CIAO3: variants seen among roughly 807,000 people sequenced by gnomAD.
The protein encoded by CIAO3 is LET1 like/JFP15.
In CIAO3, 45 loss-of-function variants were observed where a neutral mutation model predicts 51.5. The observed-to-expected ratio is 0.87, with a 90% CI of 0.69 to 1.12. The LOEUF is 1.12. Among genes scored for constraint, CIAO3 ranks in the 50% most tolerant of loss-of-function variants. The pLI, the probability that CIAO3 is intolerant of heterozygous loss-of-function variation, is 0.00. For missense variants in CIAO3, 668 were observed against 632.5 expected, an observed-to-expected ratio of 1.06 and a Z score of -0.60; for synonymous variants, 314 against 269.3, an observed-to-expected ratio of 1.17 and a Z score of -1.63.
In CIAO3 at chr16:737,267, G is replaced by A. The variant is rs35987447; in HGVS notation, c.225C>T (p.Ser75=). The part of the protein sequence containing the change: ...KVSLNDCLAC[S]GCITSAETVL... ...CGGTCTCTGCGGAGGTGATGCAGCC[G>A]CTGCACGCCAGGCAGTCGTTTAGCG... The change falls in exon 3 of 11, where the codon AGC becomes AGT. Residue 75 remains serine (S), a synonymous_variant. Transcript: ENST00000251588. The surrounding 1 kb of genome is among the most constrained non-coding windows in gnomAD (Gnocchi z 5.3). 39,230 of 1,613,436 alleles carry A rather than the reference G, an allele frequency of 0.024. 531 individuals carry two copies. Among genetic ancestry groups the A allele is most frequent in the Non-Finnish European group, 0.029 (34,549 of 1,179,984 alleles).
chr16:737,825 C>T lies in CIAO3; in HGVS notation c.163-496G>A. The T allele has an allele frequency of 8.4e-7, 1 of 1,190,430 alleles. No individual in the cohort carries two copies. Among genetic ancestry groups the T allele is most frequent in the South Asian group, 1.5e-5 (1 of 65,304 alleles). 73.7% of individuals were successfully genotyped at this position (1,190,430 alleles called of 1,614,324 possible). On this transcript the variant is annotated intron_variant, in intron 2 of 10. Transcript: ENST00000251588. The surrounding 1 kb of genome is among the most constrained non-coding windows in gnomAD (Gnocchi z 5.3). ...GGGGCAGAAACAACCGTCAGACTCG[C>T]CAAACAGATGCAGGAACAAGGTGTT...
chr16:738,174 G>C lies in CIAO3; in HGVS notation c.163-845C>G, dbSNP rs1056056249. ...GCTGACAGGCTCCTCCAAACCAACT[G>C]CCACTGCACCGACAGCCACGCCTAC... On this transcript the variant is annotated intron_variant, in intron 2 of 10. Transcript: ENST00000251588. 10 of 998,006 alleles carry C rather than the reference G, an allele frequency of 1.0e-5. No homozygotes were observed. The African/African-American group carries it at 1.6e-4, about 16-fold the overall frequency. The allele number at this position is 998,006 out of a possible 1,614,324, so 61.8% of individuals were successfully genotyped here.
chr16:739,446 C>G (rs2041370217), intron 2 of CIAO3, 197 bp downstream of exon 2: 2 of 614,606 alleles, frequency 3.3e-6, no homozygotes, highest in Non-Finnish European at 5.8e-6. Context: ...AGCTGTTTGG[C>G]CTGGGTGCTG....
In CIAO3 at chr16:734,292, G is replaced by A. The variant is rs150242737; in HGVS notation, c.630C>T (p.Ser210=). 2.8e-5 allele frequency: 45 copies of A among 1,611,910 alleles called. No homozygotes were observed. The highest frequency in any genetic ancestry group is 3.7e-5 in the Non-Finnish European group (44 of 1,179,918). Residue 210 remains serine (S), a synonymous_variant, in exon 6 of 11, where the codon AGC becomes AGT. Transcript: ENST00000251588. The part of the protein sequence containing the change: ...THGSFILPHI[S]TARSPQQVMG... ...TGACCTGCTGCGGGGACCGGGCGGT[G>A]CTGATGTGGGGGAGGATGAAGCTGC...
At position 730,868 on chromosome 16, in the gene CIAO3, G is replaced by A. The variant is rs748445700; in HGVS notation, c.1167C>T (p.Tyr389=). Residue 389 remains tyrosine, a synonymous_variant, in exon 10 of 11, where the codon TAC becomes TAT. Transcript: ENST00000251588. The part of the protein sequence containing the change: ...RLKRGRCPYH[Y]VEVMACPSGC... ...CTGAGGGGCAGGCCATGACCTCCAC[G>A]TAGTGGTAGGGGCAGCGCCCTCGTT... 6.8e-6 allele frequency: 11 copies of A among 1,612,752 alleles called. No homozygotes were observed. Among genetic ancestry groups the A allele is most frequent in the East Asian group, 2.2e-5 (1 of 44,900 alleles).
chr16:740,751 CAG>C (rs1366152678), intron 1 of CIAO3, 167 bp downstream of exon 1: 1 of 598,842 alleles, frequency 1.7e-6, no homozygotes, highest in African/African-American at 2.0e-5. Flanking sequence ...AAGCGGGCCT[CAG>C]TGTCTGAGGC....
At position 730,512 on chromosome 16, in the gene CIAO3, G is replaced by A. The variant is rs1422803280; in HGVS notation, c.1336C>T (p.Leu446=). 9 of 1,610,394 alleles carry A rather than the reference G, an allele frequency of 5.6e-6. No individual in the cohort carries two copies. Among genetic ancestry groups the A allele is most frequent in the Non-Finnish European group, 7.6e-6 (9 of 1,180,004 alleles). The change falls in exon 11 of 11, where the codon CTG becomes TTG. Residue 446 remains leucine, a synonymous_variant. Transcript: ENST00000251588. ...GCACACTCCGAGTCCGTGCCCTGCA[G>A]CCAGTGTGTGTACAGCTCCTGAACC... The part of the protein sequence containing the change: ...PGVQELYTHW[L]QGTDSECAGR...
intron 8 of CIAO3, chr16:732,013 G>GATTA (rs1277850737): frequency 9.6e-6 from 5 of 520,852 alleles, no homozygotes; most frequent in African/African-American, 9.6e-5. Flanking sequence ...GGATTACAGG[G>GATTA]CCTGGCATGG....
At chr16:734,661 T>A in intron 5 of CIAO3, 76 bp downstream of exon 5, 2 of 1,610,626 alleles carry the variant, frequency 1.2e-6, no homozygotes, top group Non-Finnish European at 1.7e-6. Context: ...CCCCGCCTTG[T>A]CATTTGTGTC....
chr16:731,289 C>A, intron 9 of CIAO3: 1 of 609,782 alleles, frequency 1.6e-6, no homozygotes, highest in Middle Eastern at 4.4e-4. Flanking sequence ...GGTCGCGTGC[C>A]TGCGCCAGGC....
In CIAO3 at chr16:737,657, TCA is replaced by T; in HGVS notation, c.163-330_163-329del. 5 of 1,338,210 alleles carry T rather than the reference TCA, an allele frequency of 3.7e-6. No individual in the cohort carries two copies. The highest frequency in any genetic ancestry group is 4.9e-6 in the Non-Finnish European group (5 of 1,021,488). 82.9% of individuals were successfully genotyped at this position (1,338,210 alleles called of 1,614,324 possible). A position where few individuals can be genotyped will look rare whatever the true frequency, so the allele number is the denominator to read the frequency against. ...ACGGGGTGCTGGCCCCGGTGCACAC[TCA>T]CAGGGCTGTAGGGCAGGAAAATGCC... On this transcript the variant is annotated intron_variant, in intron 2 of 10. Coordinates refer to ENST00000251588, the MANE Select transcript of CIAO3 (RefSeq NM_022493.3). This position sits in a 1 kb window ranked among gnomAD's most constrained non-coding sequence, Gnocchi z 5.3.
In CIAO3 at chr16:737,445, T is replaced by C. The variant is rs2041351070; in HGVS notation, c.163-116A>G. Reference sequence around the variant, plus strand: ...CCAACATGGCTGCTGGCTGGGCTTGTGTGCCGCTGAATTTTTAAAAATTAG... The same window carrying C: ...CCAACATGGCTGCTGGCTGGGCTTGCGTGCCGCTGAATTTTTAAAAATTAG... On this transcript the variant is annotated intron_variant, in intron 2 of 10. Coordinates refer to ENST00000251588, the MANE Select transcript of CIAO3 (RefSeq NM_022493.3). This position sits in a 1 kb window ranked among gnomAD's most constrained non-coding sequence, Gnocchi z 5.3. 3 of 1,570,710 alleles carry C rather than the reference T, an allele frequency of 1.9e-6. No homozygotes were observed. Among genetic ancestry groups the C allele is most frequent in the Non-Finnish European group, 2.6e-6 (3 of 1,158,576 alleles).
chr16:738,778 G>T (rs1360740076), intron 2 of CIAO3, among the ~76,000 whole-genome samples: 1 of 151,566 alleles, frequency 6.6e-6, no homozygotes, highest in Non-Finnish European at 1.5e-5. Flanking sequence ...CTCTTGAGTA[G>T]CTGGGATTAC....
chr16:732,870 T>A (rs1381931856), intron 7 of CIAO3: 1 of 309,776 alleles, frequency 3.2e-6, no homozygotes, highest in Non-Finnish European at 6.3e-6. Flanking sequence ...ACTCCTGACC[T>A]CGTGATCCAC....
rs781003524 is a variant in CIAO3 at position 740,993 on chromosome 16, G to C, written c.-8C>G. Reference sequence around the variant, plus strand: ...GCTGAAGGGCGACGCCATGACGGCCGCACTGCCGCCGCGCGCAGGTGTCGC... The same window carrying C: ...GCTGAAGGGCGACGCCATGACGGCCCCACTGCCGCCGCGCGCAGGTGTCGC... On this transcript the variant is annotated 5_prime_UTR_variant, in exon 1 of 11. Transcript: ENST00000251588. 2 of 1,497,298 alleles carry C rather than the reference G, an allele frequency of 1.3e-6. No homozygotes were observed. Among genetic ancestry groups the C allele is most frequent in the South Asian group, 2.5e-5 (2 of 81,256 alleles). 92.8% of individuals were successfully genotyped at this position (1,497,298 alleles called of 1,614,324 possible).
rs182716013 is a variant in CIAO3, at chr16:734,220, C to T, written c.693+9G>A. On this transcript the variant is annotated intron_variant, in intron 6 of 10. Transcript: ENST00000251588. Reference sequence around the variant, plus strand: ...CAGCCTGAGTCTGGGGCTGGCCCAACGCCGTTACCTGCTGCTGGGCGAAGA... The same window carrying T: ...CAGCCTGAGTCTGGGGCTGGCCCAATGCCGTTACCTGCTGCTGGGCGAAGA... 85 of 1,609,572 alleles carry T rather than the reference C, an allele frequency of 5.3e-5. 1 individual carries two copies. In the African/African-American group the frequency reaches 6.4e-4, roughly 12 times the overall value.
intron 4 of CIAO3, chr16:735,617 C>T (rs2041330058): frequency 6.6e-6 from 1 of 152,298 alleles, no homozygotes; most frequent in African/African-American, 2.4e-5. Flanking sequence ...CCAGGTCAGG[C>T]TCCCAGTGCC....
At chr16:738,316 T>G (rs1319049496) in intron 2 of CIAO3, 2 of 984,434 alleles carry the variant, frequency 2.0e-6, no homozygotes, top group Non-Finnish European at 2.4e-6. Flanking sequence ...TTTTTTAGAG[T>G]CCAAATGGCA....
rs2041258950 is a variant in CIAO3 at position 730,291 on chromosome 16, C to A, written c.*126G>T. The stretch of plus-strand genomic sequence containing the variant: ...CTGCGGGTCCTGGCTAGTCCTAGCT[C>A]CTACTCGGGTCCCAGCACACCCTGC... On this transcript the variant is annotated 3_prime_UTR_variant, in exon 11 of 11. Coordinates refer to ENST00000251588, the MANE Select transcript of CIAO3 (RefSeq NM_022493.3). The A allele has an allele frequency of 9.2e-6, 9 of 976,302 alleles. No individual in the cohort carries two copies. The East Asian group carries it at 2.2e-4, about 24-fold the overall frequency. The allele number at this position is 976,302 out of a possible 1,614,324, so 60.5% of individuals were successfully genotyped here.
Sources: allele counts gnomAD v4.1 joint callset (sites outside exome capture counted in the v4.1 genomes callset), GRCh38; gene constraint gnomAD v4.1.1; non-coding constraint Gnocchi (gnomAD v3.1); transcripts MANE v1.5; gene names NCBI Gene and HGNC (gene_info 2026-07-23, HGNC 2026-07-21).